The following SEPTIN7 variants were observed in gnomAD, a reference collection of about 807,000 sequenced individuals.
SEPTIN7 encodes septin-7.
In SEPTIN7, 10 loss-of-function variants were observed where a neutral mutation model predicts 63.3. The observed-to-expected ratio is 0.16, with a 90% CI of 0.10 to 0.27. The LOEUF (loss-of-function observed/expected upper bound fraction) is 0.27, where lower values mean the gene tolerates loss of function less well. Among genes scored for constraint, SEPTIN7 ranks in the 10% least tolerant of loss-of-function variants. The pLI is 1.00. For synonymous variants in SEPTIN7, 131 were observed against 165.3 expected, an observed-to-expected ratio of 0.79 and a Z score of 1.59; for missense variants, 310 against 521.0, an observed-to-expected ratio of 0.59 and a Z score of 3.94.
chr7:35,838,272 C>A (rs1387741054), intron 3 of SEPTIN7, among the ~76,000 whole-genome samples: 1 of 12,700 alleles, frequency 7.9e-5, no homozygotes, highest in African/African-American at 4.5e-4. Flanking sequence ...TTCCTTCCTT[C>A]CTTCCTTCCT....
intron 4 of SEPTIN7, among the ~76,000 whole-genome samples, chr7:35,867,192 G>A (rs1033746444): frequency 8.6e-5 from 13 of 151,922 alleles, no homozygotes; most frequent in Non-Finnish European, 1.6e-4. Flanking sequence ...TGAAAATGAA[G>A]TGAAAAAAAT....
downstream of SEPTIN7, among the ~76,000 whole-genome samples, chr7:35,909,531 T>C (rs1471373021): frequency 6.6e-6 from 1 of 152,214 alleles, no homozygotes; most frequent in East Asian, 1.9e-4. Context: ...ATGCGAATGT[T>C]TTAGACAGTA....
At chr7:35,886,322 G>A (rs1236027278) in intron 10 of SEPTIN7, among the ~76,000 whole-genome samples, 3 of 152,170 alleles carry the variant, frequency 2.0e-5, no homozygotes, top group African/African-American at 7.2e-5. Context: ...AATAAAACCA[G>A]TATTCCTACC....
intron 3 of SEPTIN7, among the ~76,000 whole-genome samples, chr7:35,839,428 T>C (rs1462321131): frequency 6.6e-6 from 1 of 152,224 alleles, no homozygotes; most frequent in East Asian, 1.9e-4. Context: ...ATAAAAATTT[T>C]ACAGAATGGA....
chr7:35,883,276 G>T (rs1220124528), intron 8 of SEPTIN7, among the ~76,000 whole-genome samples: 1 of 152,010 alleles, frequency 6.6e-6, no homozygotes, highest in Non-Finnish European at 1.5e-5. Context: ...CCTAAAAATG[G>T]TATACTGAAT....
At chr7:35,869,223 A>C (rs1785997083) in intron 4 of SEPTIN7, among the ~76,000 whole-genome samples, 1 of 152,180 alleles carries the variant, frequency 6.6e-6, no homozygotes, top group African/African-American at 2.4e-5. Context: ...AGAGAGGTTC[A>C]GAATAGAAGG....
chr7:35,858,730 G>T (rs1170982126), intron 3 of SEPTIN7, among the ~76,000 whole-genome samples: 3 of 147,532 alleles, frequency 2.0e-5, no homozygotes, highest in East Asian at 2.0e-4. Flanking sequence ...GCCCAGGCTG[G>T]AGTGCCAATG....
At chr7:35,888,731 G>A (rs1463515995) in intron 10 of SEPTIN7, 1 of 203,880 alleles carries the variant, frequency 4.9e-6, no homozygotes, top group Admixed American at 5.5e-5. Context: ...GAGGTGGGAG[G>A]ATGGTTTGAG....
intron 3 of SEPTIN7, among the ~76,000 whole-genome samples, chr7:35,848,810 T>A (rs1784819592): frequency 6.6e-6 from 1 of 152,212 alleles, no homozygotes; most frequent in Non-Finnish European, 1.5e-5. Flanking sequence ...GGTAACATGA[T>A]GATTTAAAAA....
chr7:35,830,840 C>G (rs1295168156), intron 1 of SEPTIN7, among the ~76,000 whole-genome samples: 3 of 152,108 alleles, frequency 2.0e-5, no homozygotes, highest in Non-Finnish European at 2.9e-5. Context: ...CATATGTCTC[C>G]TCTTTCCATC....
intron 3 of SEPTIN7, among the ~76,000 whole-genome samples, chr7:35,852,702 T>C (rs1785018470): frequency 6.6e-6 from 1 of 152,174 alleles, no homozygotes; most frequent in East Asian, 1.9e-4. Context: ...ATCAGGCTTA[T>C]TTGAATGACA....
intron 3 of SEPTIN7, among the ~76,000 whole-genome samples, chr7:35,852,369 A>C (rs1430968327): frequency 6.6e-6 from 1 of 152,140 alleles, no homozygotes; most frequent in East Asian, 1.9e-4. Flanking sequence ...GACTTTTCCA[A>C]AGTTACACAA....
At chr7:35,866,339 G>A (rs979672669) in intron 4 of SEPTIN7, among the ~76,000 whole-genome samples, 11 of 152,182 alleles carry the variant, frequency 7.2e-5, no homozygotes, top group Admixed American at 3.9e-4. Context: ...ACCAAGCCCA[G>A]TAGTCTAGCA....
intron 3 of SEPTIN7, among the ~76,000 whole-genome samples, chr7:35,859,056 T>C (rs1320105848): frequency 6.6e-6 from 1 of 152,228 alleles, no homozygotes; most frequent in Non-Finnish European, 1.5e-5. Flanking sequence ...GCTTTGAGTT[T>C]AGTTTGCTCT....
At chr7:35,914,972 G>A in the SEPTIN7 span, among the ~76,000 whole-genome samples, 1 of 151,738 alleles carries the variant, frequency 6.6e-6, no homozygotes, top group Admixed American at 6.6e-5. Flanking sequence ...ATATATTTAT[G>A]TACACATATG....
At position 35,805,785 on chromosome 7, in the gene SEPTIN7, T is replaced by C. The variant is rs1169766854; in HGVS notation, c.61+4515T>C. Among the ~76,000 whole-genome samples, 4 of 152,366 alleles carry C rather than the reference T, an allele frequency of 2.6e-5. No individual in the cohort carries two copies. In the East Asian group the frequency reaches 5.8e-4, roughly 22 times the overall value. On this transcript the variant is annotated intron_variant, in intron 1 of 13. Coordinates refer to ENST00000350320, the MANE Select transcript of SEPTIN7 (RefSeq NM_001788.6). ...ATGTTTGTTTGCTTTATGTGAAATATAAAGATGATATTCTTCCTCCTTCCC... is the reference window on the plus strand; with the variant it reads ...ATGTTTGTTTGCTTTATGTGAAATACAAAGATGATATTCTTCCTCCTTCCC...
chr7:35,852,413 A>G (rs1218306613), intron 3 of SEPTIN7, among the ~76,000 whole-genome samples: 3 of 152,212 alleles, frequency 2.0e-5, no homozygotes, highest in Non-Finnish European at 4.4e-5. Flanking sequence ...CTTTTGAAAA[A>G]AAAAAATGAG....
intron 10 of SEPTIN7, among the ~76,000 whole-genome samples, chr7:35,889,639 G>T (rs1024467481): frequency 1.2e-4 from 19 of 152,112 alleles, no homozygotes. Flanking sequence ...CACTTCCTGG[G>T]TTCAAGCGAT....
In SEPTIN7 at chr7:35,906,250, C is replaced by T. The variant is rs1788603450; in HGVS notation, c.*1957C>T. On this transcript the variant is annotated 3_prime_UTR_variant, in exon 14 of 14. Coordinates refer to ENST00000350320, the MANE Select transcript of SEPTIN7 (RefSeq NM_001788.6). ...TGTAAGACATTCATTATTCTACCAT[C>T]CTAATGAAAACTTTCAGAAGTCTTT... 6.6e-6 allele frequency: 1 copy of T among 152,230 alleles called. No individual in the cohort carries two copies. Among genetic ancestry groups the T allele is most frequent in the Non-Finnish European group, 1.5e-5 (1 of 68,050 alleles). The allele number at this position is 152,230 out of a possible 1,614,324, so 9.4% of individuals were successfully genotyped here. A position where few individuals can be genotyped will look rare whatever the true frequency, so the allele number is the denominator to read the frequency against.
Sources: allele counts gnomAD v4.1 joint callset (sites outside exome capture counted in the v4.1 genomes callset), GRCh38; gene constraint gnomAD v4.1.1; transcripts MANE v1.5; gene names NCBI Gene and HGNC (gene_info 2026-07-23, HGNC 2026-07-21).